Variants in DNAAF5 observed in about 807,000 individuals in gnomAD.
The protein encoded by DNAAF5 is dynein axonemal assembly factor 5.
A neutral mutation model predicts 75.8 loss-of-function variants in DNAAF5; 64 were observed. The observed-to-expected ratio is 0.84, with a 90% CI of 0.69 to 1.04. The LOEUF (loss-of-function observed/expected upper bound fraction) is 1.04, where lower values mean the gene tolerates loss of function less well. Ranked by LOEUF, DNAAF5 falls within the 50% of genes least tolerant of loss-of-function variation. The pLI is 0.00. For synonymous variants in DNAAF5, 657 were observed against 557.2 expected (o/e 1.18, Z -2.52); for missense variants, 1,269 against 1,178.5 (o/e 1.08, Z -1.12).
At chr7:760,956 C>T (rs1296968793) in intron 6 of DNAAF5, among the ~76,000 whole-genome samples, 1 of 152,258 alleles carries the variant, frequency 6.6e-6, no homozygotes, top group African/African-American at 2.4e-5. Context: ...CTGCCAGCTT[C>T]AGCGCTGACC....
At chr7:782,169 C>T (rs1006669706) in intron 12 of DNAAF5, among the ~76,000 whole-genome samples, 3 of 152,094 alleles carry the variant, frequency 2.0e-5, no homozygotes, top group African/African-American at 7.3e-5. Flanking sequence ...CGCGGCGTGG[C>T]CGCCTCCCGA....
At chr7:773,993 T>C in intron 9 of DNAAF5, 55 bp from the exon 10 acceptor site, 1 of 1,607,890 alleles carries the variant, frequency 6.2e-7, no homozygotes, top group East Asian at 2.2e-5. Context: ...GTCTGAAACG[T>C]TTCTTCCGAG....
At chr7:737,088 T>C (rs1222935291) in intron 2 of DNAAF5, among the ~76,000 whole-genome samples, 1 of 151,940 alleles carries the variant, frequency 6.6e-6, no homozygotes, top group Non-Finnish European at 1.5e-5. Flanking sequence ...TTTTATTTAT[T>C]TATTTATTTT....
At chr7:750,336 G>A (rs904420546) in intron 4 of DNAAF5, among the ~76,000 whole-genome samples, 6 of 152,162 alleles carry the variant, frequency 3.9e-5, no homozygotes, top group Non-Finnish European at 8.8e-5. Flanking sequence ...ACACGGCAAC[G>A]AAATCACCCA....
At chr7:740,981 A>C (rs1467865177) in intron 3 of DNAAF5, 38 bp downstream of exon 3, 1 of 1,605,222 alleles carries the variant, frequency 6.2e-7, no homozygotes, top group South Asian at 1.1e-5. Flanking sequence ...GTCTTCCTAA[A>C]CGGTCATGTG....
chr7:773,960 C>T (rs1041109959), intron 9 of DNAAF5, 88 bp from the exon 10 acceptor site: 3 of 1,485,406 alleles, frequency 2.0e-6, no homozygotes, highest in Non-Finnish European at 9.4e-7. Flanking sequence ...GTTTGGCTCC[C>T]CCCTCAGCCC....
chr7:726,735 G>T lies in DNAAF5; in HGVS notation c.15G>T (p.Gly5=). 2 of 1,243,860 alleles carry T rather than the reference G, an allele frequency of 1.6e-6. No homozygotes were observed. Among genetic ancestry groups the T allele is most frequent in the Non-Finnish European group, 2.0e-6 (2 of 995,008 alleles). The allele number at this position is 1,243,860 out of a possible 1,614,324, so 77.1% of individuals were successfully genotyped here. ...ACGCGGGCAAGATGGCGGCGCTGGG[G>T]GTGGCGGAGGCCGTGGCGGCCCCAC... MAAL[G]VAEAVAAPHP... Residue 5 remains glycine (G), a synonymous_variant, in exon 1 of 13, where the codon GGG becomes GGT. Transcript: ENST00000297440.
chr7:745,517 GCACACGTGTGTACATGCATATCGT>G (rs1211736279), intron 4 of DNAAF5, among the ~76,000 whole-genome samples: 1 of 152,026 alleles, frequency 6.6e-6, no homozygotes, highest in African/African-American at 2.4e-5. Context: ...GTGCACATAT[GCACACGTGTGTACATGCATATCGT>G]CACACGCGTA....
At chr7:782,254 G>A (rs12673274) in intron 12 of DNAAF5, among the ~76,000 whole-genome samples, 13,917 of 115,230 alleles carry the variant, frequency 0.12, 1,142 homozygotes, top group East Asian at 0.26. Flanking sequence ...TCGGATCTTC[G>A]CGGCGTGGCC....
rs866036459 is a variant in DNAAF5 at position 775,538 on chromosome 7, G to A, written c.2239+376G>A. Among the ~76,000 whole-genome samples the A allele has an allele frequency of 6.8e-4, 101 of 147,916 alleles. 3 individuals are homozygous for A. The South Asian group carries it at 0.02, about 29-fold the overall frequency. On this transcript the variant is annotated intron_variant, in intron 11 of 12. Transcript: ENST00000297440. ...TGTGTGTGTGTGTGTGTGTGTGTGTGTATGGCTACATATATACATGTTTGT... is the reference window on the plus strand; with the variant it reads ...TGTGTGTGTGTGTGTGTGTGTGTGTATATGGCTACATATATACATGTTTGT...
rs190565484 is a variant in DNAAF5 at position 744,160 on chromosome 7, A to G, written c.1024+2695A>G. 3.0e-4 allele frequency among the ~76,000 whole-genome samples: 45 copies of G among 152,116 alleles called. No individual in the cohort carries two copies. In the South Asian group the frequency reaches 6.0e-3, roughly 20 times the overall value. ...TGTGTCCATGTGTTCTCATTGTTCA[A>G]TTCCCACCTATGAGTGAGAATATGC... On this transcript the variant is annotated intron_variant, in intron 4 of 12. Coordinates refer to ENST00000297440, the MANE Select transcript of DNAAF5 (RefSeq NM_017802.4).
In DNAAF5 at chr7:754,603, C is replaced by T. The variant is rs1480951950; in HGVS notation, c.1039C>T (p.Leu347=). 4 of 1,613,958 alleles carry T rather than the reference C, an allele frequency of 2.5e-6. No homozygotes were observed. The highest frequency in any genetic ancestry group is 3.4e-6 in the Non-Finnish European group (4 of 1,179,938). Residue 347 remains leucine, a synonymous_variant, in exon 5 of 13, where the codon CTG becomes TTG. Coordinates refer to ENST00000297440, the MANE Select transcript of DNAAF5 (RefSeq NM_017802.4). This position sits in a 1 kb window ranked among gnomAD's most constrained non-coding sequence, Gnocchi z 4.8. ...TTTCGTTCCAGAGCGCCGCCCTGTG[C>T]TGGGCTGCCGGGAGCTCGTCTTCAG... ...HYPPHERRPV[L]GCRELVFRNL...
At position 785,668 on chromosome 7, in the gene DNAAF5, G is replaced by A. The variant is rs776808988; in HGVS notation, c.*15G>A. On this transcript the variant is annotated 3_prime_UTR_variant, in exon 13 of 13. Transcript: ENST00000297440. ...CCACACAGTGACCACGCTGGTTTCA[G>A]CCACGGCACACCCTTGTCCCCACCT... 4 of 1,611,680 alleles carry A rather than the reference G, an allele frequency of 2.5e-6. No homozygotes were observed. Among genetic ancestry groups the A allele is most frequent in the Non-Finnish European group, 3.4e-6 (4 of 1,179,662 alleles).
intron 5 of DNAAF5, among the ~76,000 whole-genome samples, chr7:755,315 G>A (rs1022211009): frequency 6.6e-6 from 1 of 152,148 alleles, no homozygotes; most frequent in Admixed American, 6.5e-5. Context: ...CTCGGCTGCT[G>A]GTTATCGCCT....
intron 2 of DNAAF5, among the ~76,000 whole-genome samples, chr7:740,255 A>C (rs977455782): frequency 6.6e-6 from 1 of 152,200 alleles, no homozygotes; most frequent in Non-Finnish European, 1.5e-5. Context: ...TTCCGCCTGC[A>C]TAGGCAAGGT....
chr7:729,826 A>G lies in DNAAF5; in HGVS notation c.759A>G (p.Arg253=). The change falls in exon 2 of 13, where the codon CGA becomes CGG. Residue 253 remains arginine, a synonymous_variant. Transcript: ENST00000297440. ...VDDVLSHFAQ[R]LFDDVPQVRR... ...ACGTGCTTTCCCATTTTGCTCAGCG[A>G]CTGTTTGATGACGTCCCGCAGGTAA... The G allele has an allele frequency of 6.2e-7, 1 of 1,614,154 alleles. No homozygotes were observed. The highest frequency in any genetic ancestry group is 8.5e-7 in the Non-Finnish European group (1 of 1,180,022).
intron 8 of DNAAF5, among the ~76,000 whole-genome samples, chr7:766,226 A>G (rs992991673): frequency 6.6e-6 from 1 of 152,234 alleles, no homozygotes; most frequent in South Asian, 2.1e-4. Context: ...AGCCTCAAAT[A>G]TAATACAATA....
chr7:770,718 C>G (rs937087333), intron 9 of DNAAF5, 100 bp downstream of exon 9: 8 of 1,172,646 alleles, frequency 6.8e-6, no homozygotes, highest in Non-Finnish European at 9.7e-6. Flanking sequence ...GGGTTCCCAC[C>G]TCCTTCCCCA....
intron 4 of DNAAF5, among the ~76,000 whole-genome samples, chr7:751,256 A>G (rs1241552132): frequency 1.3e-5 from 2 of 152,222 alleles, no homozygotes; most frequent in Non-Finnish European, 2.9e-5. Flanking sequence ...ATTTGGAACT[A>G]ATTCCATAAT....
Sources: gnomAD v4.1 joint callset for allele counts (sites outside exome capture counted in the v4.1 genomes callset) on GRCh38, gnomAD v4.1.1 for gene constraint, Gnocchi (gnomAD v3.1) non-coding constraint, MANE v1.5 for transcripts, NCBI Gene and HGNC (gene_info 2026-07-23, HGNC 2026-07-21) for gene names.